ANK3: variants seen among roughly 807,000 people sequenced by gnomAD.
ANK3 encodes ankyrin-3.
Under a neutral mutation model 370.9 loss-of-function variants are expected in ANK3, and 57 were observed. The ratio of observed to expected loss-of-function variants is 0.15; its 90% CI spans 0.12 to 0.19. The LOEUF is 0.19. ANK3 is among the 10% of genes least tolerant of loss of function. ANK3 has a pLI of 1.00. For synonymous variants in ANK3, 1,929 were observed against 1,946.3 expected (o/e 0.99, Z 0.23); for missense variants, 4,439 against 5,302.1 (o/e 0.84, Z 5.06).
chr10:60,728,875 C>T (rs1428449274), intron 1 of ANK3, among the ~76,000 whole-genome samples: 1 of 152,112 alleles, frequency 6.6e-6, no homozygotes, highest in African/African-American at 2.4e-5. Context: ...TGGTGGGTAA[C>T]AATACTTACC....
chr10:60,472,656 T>C (rs1050512678), intron 2 of ANK3, among the ~76,000 whole-genome samples: 1 of 152,186 alleles, frequency 6.6e-6, no homozygotes, highest in Non-Finnish European at 1.5e-5. Flanking sequence ...AATTCATGTA[T>C]GTCTTAAGAA....
In ANK3 at chr10:60,075,978, C is replaced by G. The variant is rs1470631062; in HGVS notation, c.4903G>C (p.Glu1635Gln). 1.2e-6 allele frequency: 2 copies of G among 1,614,098 alleles called. No homozygotes were observed. Among genetic ancestry groups the G allele is most frequent in the East Asian group, 2.2e-5 (1 of 44,868 alleles). ...SPVTTAGSLL[E>Q]RSSITMTPPA... ...GGTGTCATAGTAATTGATGACCTCT[C>G]CAAAAGAGACCCTGCTGTAGTCACT... The change falls in exon 37 of 44, where the codon GAG becomes CAG. Residue 1635 changes from glutamate to glutamine, a missense_variant. Transcript: ENST00000280772.
At position 60,240,093 on chromosome 10, in the gene ANK3, TACAC is replaced by T. The variant is rs1201824557; in HGVS notation, c.799-5311_799-5308del. On this transcript the variant is annotated intron_variant, in intron 7 of 43. Coordinates refer to ENST00000280772, the MANE Select transcript of ANK3 (RefSeq NM_020987.5). The stretch of plus-strand genomic sequence containing the variant: ...TATATATACATATATACACTATATA[TACAC>T]ACACATAAATACATATATATACACA... 9.8e-3 allele frequency among the ~76,000 whole-genome samples: 1,373 copies of T among 140,038 alleles called. 33 individuals carry two copies. Among genetic ancestry groups the T allele is most frequent in the African/African-American group, 0.035 (1,294 of 37,020 alleles). 91.9% of individuals were successfully genotyped at this position (140,038 alleles called of 152,430 possible).
In ANK3 at chr10:60,132,426, G is replaced by A. The variant is rs7915259; in HGVS notation, c.2841+1845C>T. Among the ~76,000 whole-genome samples, 450 of 151,858 alleles carry A rather than the reference G, an allele frequency of 3.0e-3. 2 individuals carry two copies. Among genetic ancestry groups the A allele is most frequent in the African/African-American group, 0.01 (430 of 41,462 alleles). On this transcript the variant is annotated intron_variant, in intron 25 of 43. Coordinates refer to ENST00000280772, the MANE Select transcript of ANK3 (RefSeq NM_020987.5). ...CACAAGATCTGATGGTTTTATAAGG[G>A]GGAGTTACCCTGCACAAATTCTCTT...
chr10:60,221,042 T>A (rs2097045073), intron 8 of ANK3, among the ~76,000 whole-genome samples: 1 of 152,060 alleles, frequency 6.6e-6, no homozygotes, highest in East Asian at 1.9e-4. Flanking sequence ...CTTTGAGGTA[T>A]ACTGTTTCTT....
At chr10:60,713,470 G>A (rs1239643595) in intron 1 of ANK3, among the ~76,000 whole-genome samples, 1 of 151,798 alleles carries the variant, frequency 6.6e-6, no homozygotes, top group Admixed American at 6.6e-5. Flanking sequence ...GTGCTTAGAG[G>A]GAAATTTATA....
At position 60,029,678 on chromosome 10, in the gene ANK3, GGTTTT is replaced by G. The variant is rs746591199; in HGVS notation, c.*163_*167del. 3.3e-5 allele frequency: 5 copies of G among 151,624 alleles called. No homozygotes were observed. The highest frequency in any genetic ancestry group is 5.9e-5 in the Non-Finnish European group (4 of 67,910). The allele number at this position is 151,624 out of a possible 1,614,324, so 9.4% of individuals were successfully genotyped here. A position where few individuals can be genotyped will look rare whatever the true frequency, so the allele number is the denominator to read the frequency against. ...GCTCATGCTAAATTAAAATGTGGGT[GGTTTT>G]CTTTTCTTTTCTTTTTGCATAAAAA... On this transcript the variant is annotated 3_prime_UTR_variant, in exon 44 of 44. Coordinates refer to ENST00000280772, the MANE Select transcript of ANK3 (RefSeq NM_020987.5).
intron 21 of ANK3, 113 bp from the exon 22 acceptor site, chr10:60,167,009 T>C (rs2095642338): frequency 1.2e-6 from 1 of 855,300 alleles, no homozygotes. Flanking sequence ...TTGAATATCT[T>C]GAATCTCCCA....
chr10:60,423,693 G>A (rs894441723), intron 2 of ANK3, among the ~76,000 whole-genome samples: 2 of 151,916 alleles, frequency 1.3e-5, no homozygotes, highest in African/African-American at 4.8e-5. Flanking sequence ...TTAAATAAGA[G>A]CAAGTTGGTC....
chr10:60,551,306 G>A (rs2077083212), intron 2 of ANK3, among the ~76,000 whole-genome samples: 1 of 152,058 alleles, frequency 6.6e-6, no homozygotes, highest in South Asian at 2.1e-4. Flanking sequence ...AGTAGAAAGG[G>A]CCATTATTGA....
At chr10:60,545,418 A>AAATTCTGTG (rs1292773862) in intron 2 of ANK3, among the ~76,000 whole-genome samples, 2 of 146,204 alleles carry the variant, frequency 1.4e-5, no homozygotes, top group Non-Finnish European at 3.0e-5. Context: ...TCCAGAATTG[A>AAATTCTGTG]AATTCTGTGG....
chr10:60,658,912 AAAAGG>A (rs71018919), intron 1 of ANK3, among the ~76,000 whole-genome samples: 1 of 147,110 alleles, frequency 6.8e-6, no homozygotes, highest in Non-Finnish European at 1.5e-5. Flanking sequence ...GAAAGGAAAG[AAAAGG>A]AAAGGAAAGG....
intron 42 of ANK3, among the ~76,000 whole-genome samples, chr10:60,051,054 A>C (rs2077881557): frequency 6.6e-6 from 1 of 152,170 alleles, no homozygotes; most frequent in African/African-American, 2.4e-5. Flanking sequence ...GAGACTGAGA[A>C]GGAAGCCTTT....
intron 2 of ANK3, among the ~76,000 whole-genome samples, chr10:60,605,085 C>T (rs538294920): frequency 4.0e-4 from 61 of 152,236 alleles, no homozygotes; most frequent in African/African-American, 1.4e-3. Flanking sequence ...ATTGCAGTCC[C>T]GTTCAAGTCC....
At chr10:60,670,237 C>G (rs2079049195) in intron 1 of ANK3, among the ~76,000 whole-genome samples, 2 of 152,234 alleles carry the variant, frequency 1.3e-5, no homozygotes, top group East Asian at 3.9e-4. Flanking sequence ...ATACCCTAAC[C>G]TCTCAACCCT....
At chr10:60,424,856 T>C (rs2063848749) in intron 2 of ANK3, among the ~76,000 whole-genome samples, 1 of 152,070 alleles carries the variant, frequency 6.6e-6, no homozygotes, top group African/African-American at 2.4e-5. Context: ...ATGCTAACAA[T>C]GGTAAACAAT....
chr10:60,503,423 G>A, intron 2 of ANK3, among the ~76,000 whole-genome samples: 1 of 152,104 alleles, frequency 6.6e-6, no homozygotes, highest in East Asian at 1.9e-4. Context: ...CCTCATAATA[G>A]CCCCATAAGG....
chr10:60,043,852 T>C (rs1045278878), intron 42 of ANK3: 7 of 979,322 alleles, frequency 7.1e-6, no homozygotes, highest in Non-Finnish European at 8.5e-6. Context: ...AATGACCTTA[T>C]CTTTGTGAAA....
Position 60,474,642 on chromosome 10 carries a change from G to T in ANK3, c.96+140544C>A, listed in dbSNP as rs79530479. ...CCTTTCAAATAGTAATCACACCTGA[G>T]TTTTTCTTTTGGCTAAGAATAAGAC... On this transcript the variant is annotated intron_variant, in intron 2 of 43. Transcript: ENST00000373827. Among the ~76,000 whole-genome samples, 910 of 152,276 alleles carry T rather than the reference G, an allele frequency of 6.0e-3. 2 individuals carry two copies. Among genetic ancestry groups the T allele is most frequent in the Non-Finnish European group, 9.9e-3 (675 of 68,008 alleles).
Sources: gnomAD v4.1 joint callset for allele counts (sites outside exome capture counted in the v4.1 genomes callset) on GRCh38, gnomAD v4.1.1 for gene constraint, MANE v1.5 for transcripts, NCBI Gene and HGNC (gene_info 2026-07-23, HGNC 2026-07-21) for gene names.